Variants in ULK4 observed in about 807,000 individuals in gnomAD.
ULK4 encodes the protein unc-51 like kinase 4.
In ULK4, 133 loss-of-function variants were observed where a neutral mutation model predicts 160.6. The observed-to-expected ratio is 0.83, with a 90% CI of 0.72 to 0.96. The LOEUF is 0.96. ULK4 is among the 40% of genes least tolerant of loss of function. ULK4 has a pLI of 0.00. For synonymous variants in ULK4, 534 were observed against 539.8 expected (o/e 0.99, Z 0.15); for missense variants, 1,580 against 1,499.5 (o/e 1.05, Z -0.89).
intron 32 of ULK4, among the ~76,000 whole-genome samples, chr3:41,548,288 G>A (rs1479854814): frequency 6.6e-6 from 1 of 152,008 alleles, no homozygotes; most frequent in Non-Finnish European, 1.5e-5. Flanking sequence ...TGTTGCCCCA[G>A]ACACACATAC....
chr3:41,949,191 C>G (rs943837497), intron 2 of ULK4, among the ~76,000 whole-genome samples: 1 of 151,928 alleles, frequency 6.6e-6, no homozygotes, highest in Admixed American at 6.6e-5. Flanking sequence ...CACCTGAAAT[C>G]GCAGCTACTC....
At chr3:41,307,880 G>C (rs1296322622) in intron 35 of ULK4, among the ~76,000 whole-genome samples, 4 of 152,136 alleles carry the variant, frequency 2.6e-5, no homozygotes, top group African/African-American at 9.7e-5. Flanking sequence ...TAAGGAAATA[G>C]GAAAATCCTC....
intron 35 of ULK4, among the ~76,000 whole-genome samples, chr3:41,261,587 A>G (rs997379758): frequency 6.6e-6 from 1 of 152,188 alleles, no homozygotes; most frequent in African/African-American, 2.4e-5. Context: ...ATGTTGTGTT[A>G]TCTTGTATAA....
At chr3:41,375,108 A>G (rs528802582) in intron 35 of ULK4, among the ~76,000 whole-genome samples, 155 of 152,304 alleles carry the variant, frequency 1.0e-3, no homozygotes, top group Non-Finnish European at 1.1e-3. Flanking sequence ...GGAGAACTAC[A>G]AACCACTGCT....
chr3:41,663,890 A>AT (rs1171983934), intron 29 of ULK4, among the ~76,000 whole-genome samples, 191 bp from the exon 30 acceptor site: 3 of 152,238 alleles, frequency 2.0e-5, no homozygotes, highest in African/African-American at 7.2e-5. Context: ...CTATTGAAAT[A>AT]AGAGAATAAA....
chr3:41,345,040 T>C (rs2080771604), intron 35 of ULK4, among the ~76,000 whole-genome samples: 1 of 152,138 alleles, frequency 6.6e-6, no homozygotes, highest in South Asian at 2.1e-4. Flanking sequence ...CCAACATCAC[T>C]GATCATTAGA....
At chr3:41,671,318 T>A (rs933886229) in intron 29 of ULK4, among the ~76,000 whole-genome samples, 2 of 152,058 alleles carry the variant, frequency 1.3e-5, no homozygotes, top group Non-Finnish European at 2.9e-5. Context: ...TCTAGAAGCA[T>A]CACACTACCT....
chr3:41,682,927 C>T (rs1047345380), intron 27 of ULK4, among the ~76,000 whole-genome samples: 6 of 152,114 alleles, frequency 3.9e-5, no homozygotes, highest in South Asian at 2.1e-4. Context: ...CTGAAACAAA[C>T]GATCTAAGTG....
chr3:41,935,209 A>ATTTATTTTTTTT lies in ULK4; in HGVS notation c.378+591_378+592insAAAAAAAATAAA, dbSNP rs1559660879. ...TTTTTGTGTTTTTATTTATTTATTTATTTTTTTTTTTTTTTTTTTTTTTTT... is the reference window on the plus strand; with the variant it reads ...TTTTTGTGTTTTTATTTATTTATTTATTTATTTTTTTTTTTTTTTTTTTTTTTTTTTTTTTTT... On this transcript the variant is annotated intron_variant, in intron 4 of 36. Transcript: ENST00000301831. 1.5e-4 allele frequency among the ~76,000 whole-genome samples: 21 copies of ATTTATTTTTTTT among 135,578 alleles called. 1 individual carries two copies. The highest frequency in any genetic ancestry group is 5.6e-4 in the African/African-American group (17 of 30,614). The allele number at this position is 135,578 out of a possible 152,430, so 88.9% of individuals were successfully genotyped here. A position where few individuals can be genotyped will look rare whatever the true frequency, so the allele number is the denominator to read the frequency against.
intron 17 of ULK4, among the ~76,000 whole-genome samples, chr3:41,842,139 C>CA (rs60925540): frequency 0.2 from 13,602 of 68,480 alleles, 925 homozygotes; most frequent in Middle Eastern, 0.33. Context: ...TCAATAAATA[C>CA]AAAAAAAAAA....
chr3:41,648,289 C>T (rs1204581359), intron 30 of ULK4, among the ~76,000 whole-genome samples: 6 of 152,186 alleles, frequency 3.9e-5, no homozygotes, highest in South Asian at 2.1e-4. Flanking sequence ...TCTTCTGTGT[C>T]GCTCACGCTG....
At chr3:41,848,761 G>C (rs1054898943) in intron 17 of ULK4, among the ~76,000 whole-genome samples, 4 of 152,188 alleles carry the variant, frequency 2.6e-5, no homozygotes, top group African/African-American at 9.6e-5. Context: ...AGGAATAGCA[G>C]ACTATTCCAA....
chr3:41,366,994 T>C (rs2081266732), intron 35 of ULK4, among the ~76,000 whole-genome samples: 1 of 152,238 alleles, frequency 6.6e-6, no homozygotes, highest in Admixed American at 6.5e-5. Context: ...ATTCAATCCC[T>C]CTACTGGGAT....
chr3:41,666,955 C>T (rs1001435298), intron 29 of ULK4, among the ~76,000 whole-genome samples: 1 of 151,822 alleles, frequency 6.6e-6, no homozygotes, highest in African/African-American at 2.4e-5. Flanking sequence ...CCAGCCTGGA[C>T]AACATCGTGA....
intron 35 of ULK4, among the ~76,000 whole-genome samples, chr3:41,394,749 G>A (rs892205675): frequency 1.3e-5 from 2 of 152,080 alleles, no homozygotes; most frequent in African/African-American, 4.8e-5. Flanking sequence ...GCAAGTTCAA[G>A]ACCACAACTG....
intron 5 of ULK4, among the ~76,000 whole-genome samples, chr3:41,921,477 T>C (rs1699180039): frequency 6.6e-6 from 1 of 151,640 alleles, no homozygotes; most frequent in South Asian, 2.1e-4. Flanking sequence ...TAGCCAGGCA[T>C]GGTGGCAGGC....
intron 18 of ULK4, among the ~76,000 whole-genome samples, chr3:41,826,782 T>C (rs985451696): frequency 6.8e-6 from 1 of 147,562 alleles, no homozygotes; most frequent in Admixed American, 6.7e-5. Flanking sequence ...TATCCAGGAA[T>C]TGAACACAGC....
intron 34 of ULK4, among the ~76,000 whole-genome samples, chr3:41,438,108 T>TAAAAA (rs11457444): frequency 1.6e-5 from 2 of 122,924 alleles, no homozygotes; most frequent in African/African-American, 3.0e-5. Context: ...TGTTTATTGT[T>TAAAAA]AAAAAAAAAA....
intron 34 of ULK4, among the ~76,000 whole-genome samples, chr3:41,417,174 A>C (rs1029776674): frequency 3.3e-5 from 5 of 152,180 alleles, no homozygotes; most frequent in African/African-American, 1.2e-4. Context: ...TCTGTTCTGC[A>C]CAGCACTTGT....
Sources: allele counts gnomAD v4.1 joint callset (sites outside exome capture counted in the v4.1 genomes callset), GRCh38; gene constraint gnomAD v4.1.1; transcripts MANE v1.5; gene names NCBI Gene and HGNC (gene_info 2026-07-23, HGNC 2026-07-21).